Variants in SCMH1 observed in about 807,000 individuals in gnomAD.
SCMH1 encodes Scm polycomb group protein homolog 1, also known as polycomb protein SCMH1.
SCMH1 carries 37 observed loss-of-function variants against 70.8 expected under a neutral mutation model. The ratio of observed to expected loss-of-function variants is 0.52; its 90% confidence interval spans 0.40 to 0.69. The LOEUF (loss-of-function observed/expected upper bound fraction) is 0.69, where lower values mean the gene tolerates loss of function less well. Among genes scored for constraint, SCMH1 ranks in the 30% least tolerant of loss-of-function variants. The pLI is 0.00. For synonymous variants in SCMH1, 292 were observed against 307.4 expected (o/e 0.95, Z 0.52); for missense variants, 607 against 827.3 (o/e 0.73, Z 3.27).
intron 2 of SCMH1, among the ~76,000 whole-genome samples, chr1:41,178,620 G>T (rs1207272719): frequency 6.6e-6 from 1 of 152,142 alleles, no homozygotes; most frequent in Non-Finnish European, 1.5e-5. Context: ...AACCAACAAA[G>T]ATCAAAAGAG....
chr1:41,236,592 T>C (rs931148185), intron 1 of SCMH1, among the ~76,000 whole-genome samples: 3 of 152,228 alleles, frequency 2.0e-5, no homozygotes, highest in Admixed American at 6.5e-5. Flanking sequence ...GCTGGGTTTA[T>C]CTGGCGATAA....
intron 6 of SCMH1, among the ~76,000 whole-genome samples, chr1:41,137,595 T>G (rs1016602489): frequency 6.6e-6 from 1 of 152,238 alleles, no homozygotes; most frequent in Non-Finnish European, 1.5e-5. Flanking sequence ...AGCAGCAGCA[T>G]CCTTACCCTC....
At chr1:41,110,752 T>C (rs1301046692) in intron 8 of SCMH1, among the ~76,000 whole-genome samples, 1 of 152,232 alleles carries the variant, frequency 6.6e-6, no homozygotes, top group Non-Finnish European at 1.5e-5. Context: ...GCCATGAATG[T>C]TCATTATGTG....
At chr1:41,105,823 C>T (rs1262362593) in intron 8 of SCMH1, among the ~76,000 whole-genome samples, 2 of 151,964 alleles carry the variant, frequency 1.3e-5, no homozygotes, top group Admixed American at 6.6e-5. Context: ...CAAAATGGTC[C>T]TTCTAAAACA....
At chr1:41,199,761 CCTATTGGGTA>C (rs1653859933) in intron 1 of SCMH1, among the ~76,000 whole-genome samples, 1 of 152,170 alleles carries the variant, frequency 6.6e-6, no homozygotes, top group South Asian at 2.1e-4. Context: ...CTGAAAACTT[CCTATTGGGTA>C]CTATGTTCAC....
chr1:41,028,323 G>C lies in SCMH1; in HGVS notation c.1822-4C>G, dbSNP rs1380849912. On this transcript the variant is annotated splice_polypyrimidine_tract_variant and splice_region_variant and intron_variant, in intron 14 of 14. Coordinates refer to ENST00000337495, the Ensembl canonical transcript of SCMH1. The stretch of plus-strand genomic sequence containing the variant: ...GCAGGGCCTTGCCATCGATCTCCTG[G>C]GGGGTGGGGAGGTGGGCAGAAGTGG... The C allele has an allele frequency of 1.2e-6, 2 of 1,613,864 alleles. No individual in the cohort carries two copies. The highest frequency in any genetic ancestry group is 1.3e-5 in the African/African-American group (1 of 75,016).
chr1:41,047,899 C>A (rs908790605), intron 11 of SCMH1, among the ~76,000 whole-genome samples: 1 of 152,338 alleles, frequency 6.6e-6, no homozygotes, highest in African/African-American at 2.4e-5. Context: ...CTTCTCCTGA[C>A]CAGTGTCTGG....
At position 41,070,688 on chromosome 1, in the gene SCMH1, C is replaced by T. The variant is rs755833243; in HGVS notation, c.1012G>A (p.Ala338Thr). The T allele has an allele frequency of 1.2e-5, 20 of 1,613,900 alleles. 1 individual carries two copies. The highest frequency in any genetic ancestry group is 1.6e-5 in the Non-Finnish European group (19 of 1,179,978). Residue 338 changes from alanine (A) to threonine (T), a missense_variant, in exon 10 of 15, where the codon GCC (alanine) becomes ACC (threonine). Ala to Thr is a moderately conservative substitution (Grantham distance 58, BLOSUM62 0). Transcript: ENST00000337495. ...TCAGGAGTGCTGGTTGTTGGTGAGG[C>T]AGGTGGTGGGTTCAGCAAAGTCCGA...
intron 6 of SCMH1, among the ~76,000 whole-genome samples, chr1:41,141,504 G>A (rs1572541014): frequency 6.6e-6 from 1 of 152,144 alleles, no homozygotes; most frequent in East Asian, 1.9e-4. Flanking sequence ...CTTCTTGATA[G>A]AAATAAATAT....
rs546528689 is a variant in SCMH1 at position 41,029,170 on chromosome 1, A to G, written c.1679-444T>C. Among the ~76,000 whole-genome samples, 4 of 152,288 alleles carry G rather than the reference A, an allele frequency of 2.6e-5. No individual in the cohort carries two copies. In the South Asian group the frequency reaches 8.3e-4, roughly 32 times the overall value. ...TGGATTCTTTTCCAAGGCCTGGAGAATAGGTGACCTCATTACAGCCTGATA... is the reference window on the plus strand; with the variant it reads ...TGGATTCTTTTCCAAGGCCTGGAGAGTAGGTGACCTCATTACAGCCTGATA... On this transcript the variant is annotated intron_variant, in intron 13 of 14. Coordinates refer to ENST00000337495, the Ensembl canonical transcript of SCMH1.
At chr1:41,091,562 G>C (rs952499739) in intron 8 of SCMH1, among the ~76,000 whole-genome samples, 2 of 152,158 alleles carry the variant, frequency 1.3e-5, no homozygotes, top group African/African-American at 4.8e-5. Flanking sequence ...AAGAAATAAA[G>C]GGTATTCAAT....
chr1:41,161,461 GGAAA>G (rs1487013766), intron 2 of SCMH1, 29 bp from the exon 3 acceptor site: 2 of 1,534,686 alleles, frequency 1.3e-6, no homozygotes, highest in Non-Finnish European at 1.8e-6. Context: ...ATAGTCATGT[GGAAA>G]GAAAGTATAA....
chr1:41,158,126 A>C (rs1471382718), intron 4 of SCMH1, among the ~76,000 whole-genome samples: 1 of 152,216 alleles, frequency 6.6e-6, no homozygotes, highest in Non-Finnish European at 1.5e-5. Context: ...TCACCTGAGG[A>C]CCAGGTGAAG....
chr1:41,071,080 T>A (rs1656312042), intron 9 of SCMH1, among the ~76,000 whole-genome samples: 1 of 152,104 alleles, frequency 6.6e-6, no homozygotes, highest in Non-Finnish European at 1.5e-5. Context: ...GTACTTTATT[T>A]CTCTCTTTAA....
chr1:41,053,818 T>C (rs1353697100), intron 10 of SCMH1, among the ~76,000 whole-genome samples: 1 of 151,940 alleles, frequency 6.6e-6, no homozygotes. Flanking sequence ...AGAGTTTTAA[T>C]GGAAGCCTAA....
chr1:41,203,240 A>T (rs1419563641), intron 1 of SCMH1, among the ~76,000 whole-genome samples: 1 of 152,174 alleles, frequency 6.6e-6, no homozygotes, highest in African/African-American at 2.4e-5. Flanking sequence ...CAATTTTGTA[A>T]ATTTACACTT....
chr1:41,077,664 C>A (rs1469702863), intron 8 of SCMH1, among the ~76,000 whole-genome samples: 1 of 152,124 alleles, frequency 6.6e-6, no homozygotes, highest in African/African-American at 2.4e-5. Flanking sequence ...CAACCAAGAG[C>A]CCAAGAGGGT....
intron 5 of SCMH1, 64 bp downstream of exon 5, chr1:41,151,550 T>C: frequency 1.5e-6 from 2 of 1,324,922 alleles, no homozygotes; most frequent in Non-Finnish European, 2.1e-6. Context: ...CCTGTTTTGA[T>C]TGTCTAAAAA....
chr1:41,211,116 C>A (rs1240914537), intron 1 of SCMH1, among the ~76,000 whole-genome samples: 1 of 152,106 alleles, frequency 6.6e-6, no homozygotes, highest in Non-Finnish European at 1.5e-5. Flanking sequence ...CCAAAGACTT[C>A]ATGAGTAAAA....
Sources: allele counts gnomAD v4.1 joint callset (sites outside exome capture counted in the v4.1 genomes callset), GRCh38; gene constraint gnomAD v4.1.1; transcripts MANE v1.5; gene names NCBI Gene and HGNC (gene_info 2026-07-23, HGNC 2026-07-21).